ARID1B: variants seen among roughly 807,000 people sequenced by gnomAD.
The protein encoded by ARID1B is AT-rich interactive domain-containing protein 1B.
Under a neutral mutation model 212.3 loss-of-function variants are expected in ARID1B, and 30 were observed. The observed-to-expected ratio is 0.14, with a 90% CI of 0.11 to 0.19. The LOEUF (loss-of-function observed/expected upper bound fraction) is 0.19, where lower values mean the gene tolerates loss of function less well. Ranked by LOEUF, ARID1B falls within the 10% of genes least tolerant of loss-of-function variation. The pLI is 1.00. For missense variants in ARID1B, 2,891 were observed against 3,204.0 expected (o/e 0.90, Z 2.36); for synonymous variants, 1,402 against 1,301.7 (o/e 1.08, Z -1.66).
intron 5 of ARID1B, among the ~76,000 whole-genome samples, chr6:157,095,585 A>G (rs947802272): frequency 6.6e-6 from 1 of 152,244 alleles, no homozygotes; most frequent in African/African-American, 2.4e-5. Context: ...TTAGGAGCAC[A>G]TACATTTCTC....
chr6:156,928,669 G>A (rs558878091), intron 3 of ARID1B, among the ~76,000 whole-genome samples: 4 of 152,312 alleles, frequency 2.6e-5, no homozygotes, highest in Middle Eastern at 6.8e-3. Context: ...GAGAAGAGCC[G>A]GTAGAGGATC....
At chr6:157,197,316 C>T (rs751870676) in intron 16 of ARID1B, among the ~76,000 whole-genome samples, 3 of 152,246 alleles carry the variant, frequency 2.0e-5, no homozygotes, top group Admixed American at 6.5e-5. Flanking sequence ...TCGGAAGCTG[C>T]GTGTGCTGTT....
chr6:156,889,018 ATAT>A (rs1180076629), intron 2 of ARID1B, among the ~76,000 whole-genome samples: 3 of 151,346 alleles, frequency 2.0e-5, no homozygotes, highest in East Asian at 1.9e-4. Flanking sequence ...TTCCTGTTTT[ATAT>A]TATTATATCA....
chr6:156,826,685 C>T (rs1053413649), intron 1 of ARID1B, among the ~76,000 whole-genome samples: 2 of 152,158 alleles, frequency 1.3e-5, no homozygotes, highest in African/African-American at 4.8e-5. Context: ...CCTCTTCCAG[C>T]CTCAGCCCTC....
At chr6:157,122,823 T>C (rs1787829612) in intron 6 of ARID1B, among the ~76,000 whole-genome samples, 1 of 152,014 alleles carries the variant, frequency 6.6e-6, no homozygotes, top group Non-Finnish European at 1.5e-5. Context: ...GGATTACAGG[T>C]GTGCACCACC....
chr6:156,825,339 A>G (rs1363892672), intron 1 of ARID1B, among the ~76,000 whole-genome samples: 1 of 152,202 alleles, frequency 6.6e-6, no homozygotes, highest in Admixed American at 6.5e-5. Context: ...CTGTATGAGT[A>G]ACTGTTTTTC....
intron 2 of ARID1B, among the ~76,000 whole-genome samples, chr6:156,890,477 A>G (rs543263134): frequency 2.6e-5 from 4 of 152,328 alleles, no homozygotes; most frequent in East Asian, 1.9e-4. Flanking sequence ...TTAAATTTCT[A>G]AGCTAATGGG....
At chr6:156,845,277 C>T (rs531028578) in intron 2 of ARID1B, among the ~76,000 whole-genome samples, 3 of 152,228 alleles carry the variant, frequency 2.0e-5, no homozygotes, top group Non-Finnish European at 4.4e-5. Context: ...ATTCTGCATT[C>T]TGTACTTTAT....
intron 1 of ARID1B, among the ~76,000 whole-genome samples, chr6:156,801,425 C>T (rs1020334993): frequency 3.3e-5 from 5 of 152,032 alleles, no homozygotes; most frequent in African/African-American, 1.2e-4. Context: ...GGTCTTGAAA[C>T]TCCTGACTTC....
intron 1 of ARID1B, among the ~76,000 whole-genome samples, chr6:156,820,864 TG>T (rs1782304555): frequency 1.3e-5 from 2 of 152,222 alleles, no homozygotes. Context: ...AGTGAAGGAA[TG>T]GGAGGTTTCC....
rs73578080 is a variant in ARID1B, at chr6:157,001,109, T to A, written c.2247+65533T>A. ...TTATAGCTATCAATTCCTTCAGAAT[T>A]TGAAACACATTTAATCTCTAAAGCT... On this transcript the variant is annotated intron_variant, in intron 4 of 19. Transcript: ENST00000636930. 7.3e-3 allele frequency among the ~76,000 whole-genome samples: 1,118 copies of A among 152,292 alleles called. 19 individuals are homozygous for A. Among genetic ancestry groups the A allele is most frequent in the African/African-American group, 0.025 (1,037 of 41,542 alleles).
At chr6:156,787,410 C>A (rs1779721163) in intron 1 of ARID1B, among the ~76,000 whole-genome samples, 1 of 152,094 alleles carries the variant, frequency 6.6e-6, no homozygotes, top group Admixed American at 6.5e-5. Context: ...TCTACTGTTT[C>A]TTTTTGTGAT....
intron 2 of ARID1B, among the ~76,000 whole-genome samples, chr6:156,846,456 G>T (rs552353952): frequency 7.9e-5 from 12 of 151,962 alleles, no homozygotes; most frequent in African/African-American, 2.4e-4. Flanking sequence ...GAGCCACCGC[G>T]CCTGGCCAGA....
intron 4 of ARID1B, among the ~76,000 whole-genome samples, chr6:156,954,295 C>T (rs1793796964): frequency 6.6e-6 from 1 of 151,954 alleles, no homozygotes; most frequent in Non-Finnish European, 1.5e-5. Flanking sequence ...ACTATACCCT[C>T]ACATGAGATA....
intron 4 of ARID1B, chr6:156,938,738 T>A (rs1309925407): frequency 6.6e-6 from 1 of 152,210 alleles, no homozygotes; most frequent in Non-Finnish European, 1.5e-5. Context: ...ATGTAACAAC[T>A]TTGCATTATA....
At chr6:156,978,821 A>G (rs1180219565) in intron 4 of ARID1B, among the ~76,000 whole-genome samples, 4 of 152,200 alleles carry the variant, frequency 2.6e-5, no homozygotes, top group Non-Finnish European at 5.9e-5. Context: ...AATGTGATAT[A>G]TTACTTTTTC....
intron 11 of ARID1B, among the ~76,000 whole-genome samples, chr6:157,179,162 A>T (rs1792327612): frequency 1.3e-5 from 2 of 152,054 alleles, no homozygotes; most frequent in Non-Finnish European, 2.9e-5. Flanking sequence ...CCATTTTTTT[A>T]AGTGTAACTC....
chr6:157,125,104 G>T (rs757542466), intron 6 of ARID1B, among the ~76,000 whole-genome samples: 1 of 152,200 alleles, frequency 6.6e-6, no homozygotes, highest in Non-Finnish European at 1.5e-5. Context: ...GCAGACTCGT[G>T]TGCTGGGCTA....
intron 1 of ARID1B, among the ~76,000 whole-genome samples, chr6:156,814,318 C>T (rs1395981699): frequency 2.6e-5 from 4 of 152,072 alleles, no homozygotes; most frequent in African/African-American, 9.7e-5. Flanking sequence ...ACTATGGGGG[C>T]TGAGGTGGGA....
Sources: allele counts gnomAD v4.1 joint callset (sites outside exome capture counted in the v4.1 genomes callset), GRCh38; gene constraint gnomAD v4.1.1; transcripts MANE v1.5; gene names NCBI Gene and HGNC (gene_info 2026-07-23, HGNC 2026-07-21).